The following VPS13C variants were observed in gnomAD, a reference collection of about 807,000 sequenced individuals.
VPS13C encodes intermembrane lipid transfer protein VPS13C.
Under a neutral mutation model 456.8 loss-of-function variants are expected in VPS13C, and 358 were observed. The observed-to-expected ratio is 0.78, with a 90% CI of 0.72 to 0.86. The LOEUF (loss-of-function observed/expected upper bound fraction) is 0.86, where lower values mean the gene tolerates loss of function less well. VPS13C is among the 40% of genes least tolerant of loss of function. The probability of loss-of-function intolerance (pLI) is 0.00; values close to 1 mark genes in which losing one functional copy is unlikely to be tolerated. For synonymous variants in VPS13C, 1,578 were observed against 1,486.7 expected (o/e 1.06, Z -1.41); for missense variants, 4,818 against 4,385.4 (o/e 1.10, Z -2.79).
chr15:61,900,341 CA>C (rs1195952861), intron 66 of VPS13C, among the ~76,000 whole-genome samples: 1 of 152,218 alleles, frequency 6.6e-6, no homozygotes. Flanking sequence ...TTGCAGACGA[CA>C]TGATTGTATA....
chr15:61,945,652 T>C (rs1372058599), intron 45 of VPS13C, 63 bp downstream of exon 45: 1 of 1,350,152 alleles, frequency 7.4e-7, no homozygotes, highest in Non-Finnish European at 1.0e-6. Context: ...CTATCTAGGT[T>C]CAGTTGTATA....
chr15:61,945,903 G>A, intron 44 of VPS13C, 21 bp from the exon 45 acceptor site: 2 of 1,579,370 alleles, frequency 1.3e-6, no homozygotes, highest in East Asian at 2.2e-5. Flanking sequence ...TAGATTAACT[G>A]GTTATTATAT....
At chr15:61,877,120 T>G in intron 74 of VPS13C, 66 bp from the exon 75 acceptor site, 1 of 1,290,598 alleles carries the variant, frequency 7.7e-7, no homozygotes, top group Non-Finnish European at 1.1e-6. Context: ...AGACTTAAAA[T>G]TTGAATGACA....
intron 24 of VPS13C, among the ~76,000 whole-genome samples, chr15:61,976,644 T>A (rs1596409083): frequency 6.6e-6 from 1 of 152,060 alleles, no homozygotes; most frequent in Admixed American, 6.6e-5. Context: ...ATGCAGCTTA[T>A]TGAACATCAA....
At chr15:61,963,700 C>T (rs111455627) in intron 32 of VPS13C, 135 bp downstream of exon 32, 6 of 640,578 alleles carry the variant, frequency 9.4e-6, no homozygotes, top group Admixed American at 2.8e-5. Context: ...ATAGAGGAAG[C>T]ATACAATCCA....
chr15:61,920,202 G>C lies in VPS13C; in HGVS notation c.7342C>G (p.Pro2448Ala). 3 of 1,613,318 alleles carry C rather than the reference G, an allele frequency of 1.9e-6. No homozygotes were observed. Among genetic ancestry groups the C allele is most frequent in the Non-Finnish European group, 2.5e-6 (3 of 1,179,600 alleles). The stretch of plus-strand genomic sequence containing the variant: ...ACATCAAAAATATCACTTTTCTCAG[G>C]GAAGCCCATTACTCTGAGATTACAA... ...PNCNLRVMGF[P>A]EKSDIFDVDA... is the part of the protein sequence containing the mutation. Residue 2448 changes from proline (P) to alanine (A), a missense_variant, in exon 57 of 85, where the codon CCT (proline) becomes GCT (alanine). By Grantham distance (27) the Pro-to-Ala change is conservative. Transcript: ENST00000644861.
intron 67 of VPS13C, among the ~76,000 whole-genome samples, chr15:61,888,682 T>G (rs1398012247): frequency 6.6e-6 from 1 of 152,078 alleles, no homozygotes; most frequent in East Asian, 1.9e-4. Context: ...AGAACAGCGG[T>G]TTCCAAAGGT....
intron 58 of VPS13C, among the ~76,000 whole-genome samples, chr15:61,918,578 A>C (rs1351406136): frequency 6.6e-6 from 1 of 152,004 alleles, no homozygotes; most frequent in Non-Finnish European, 1.5e-5. Context: ...TCTTTTCTCA[A>C]TGTATCATGT....
At chr15:62,010,646 T>A in intron 12 of VPS13C, 47 bp from the exon 13 acceptor site, 4 of 1,502,448 alleles carry the variant, frequency 2.7e-6, no homozygotes, top group Non-Finnish European at 3.6e-6. Flanking sequence ...TGCTTTTACA[T>A]ATAAACAAGT....
At chr15:61,950,797 C>T (rs769025527) in intron 40 of VPS13C, 148 bp downstream of exon 40, 1 of 595,314 alleles carries the variant, frequency 1.7e-6, no homozygotes, top group Non-Finnish European at 2.9e-6. Flanking sequence ...ATGAAAGTAT[C>T]CAGGATTTTC....
chr15:61,892,463 C>CTAGG (rs1170803568), intron 66 of VPS13C, among the ~76,000 whole-genome samples: 1 of 152,116 alleles, frequency 6.6e-6, no homozygotes, highest in Non-Finnish European at 1.5e-5. Context: ...AGGCAGTGAT[C>CTAGG]TAGGATAAAG....
intron 2 of VPS13C, among the ~76,000 whole-genome samples, chr15:62,043,535 G>C (rs2048307129): frequency 6.6e-6 from 1 of 152,322 alleles, no homozygotes; most frequent in East Asian, 1.9e-4. Flanking sequence ...GAACCTGGGA[G>C]GCGGAAGTTG....
intron 45 of VPS13C, among the ~76,000 whole-genome samples, chr15:61,943,587 T>G (rs1360166886): frequency 6.6e-6 from 1 of 152,014 alleles, no homozygotes; most frequent in Non-Finnish European, 1.5e-5. Flanking sequence ...TGAAACAACG[T>G]TTTATTCTAT....
At chr15:61,952,851 T>TAAA (rs1350286726) in intron 38 of VPS13C, among the ~76,000 whole-genome samples, 3 of 151,930 alleles carry the variant, frequency 2.0e-5, no homozygotes, top group African/African-American at 4.8e-5. Context: ...TAGCCAGGAC[T>TAAA]AAAGGCACAT....
chr15:62,046,060 G>A (rs2048390651), intron 1 of VPS13C, among the ~76,000 whole-genome samples: 1 of 152,056 alleles, frequency 6.6e-6, no homozygotes, highest in African/African-American at 2.4e-5. Flanking sequence ...CATTTTCTGT[G>A]TACATACAGT....
intron 2 of VPS13C, among the ~76,000 whole-genome samples, chr15:62,043,417 C>T (rs1420920760): frequency 6.6e-6 from 1 of 152,118 alleles, no homozygotes; most frequent in Non-Finnish European, 1.5e-5. Flanking sequence ...ACCAGCCTGG[C>T]CAACATGGCA....
In VPS13C at chr15:61,920,207, C is replaced by G; in HGVS notation, c.7337G>C (p.Gly2446Ala). Residue 2446 changes from glycine to alanine, a missense_variant, in exon 57 of 85, where the codon GGC (glycine) becomes GCC (alanine). By Grantham distance (60) the Gly-to-Ala change is moderately conservative. Transcript: ENST00000644861. ...AAAAATATCACTTTTCTCAGGGAAGCCCATTACTCTGAGATTACAATTGGG... is the reference window on the plus strand; with the variant it reads ...AAAAATATCACTTTTCTCAGGGAAGGCCATTACTCTGAGATTACAATTGGG... ...VKPNCNLRVM[G>A]FPEKSDIFDV... 6.2e-7 allele frequency: 1 copy of G among 1,613,566 alleles called. No homozygotes were observed. Among genetic ancestry groups the G allele is most frequent in the South Asian group, 1.1e-5 (1 of 91,048 alleles).
intron 69 of VPS13C, 37 bp from the exon 70 acceptor site, chr15:61,881,865 A>C: frequency 6.5e-7 from 1 of 1,543,446 alleles, no homozygotes. Flanking sequence ...AAGATTTCAA[A>C]TAATTTAAAC....
At chr15:61,933,216 C>G (rs1310799436) in intron 49 of VPS13C, among the ~76,000 whole-genome samples, 1 of 152,066 alleles carries the variant, frequency 6.6e-6, no homozygotes, top group African/African-American at 2.4e-5. Context: ...TCTAAGACTG[C>G]AGAACCAGCA....
Sources: gnomAD v4.1 joint callset for allele counts (sites outside exome capture counted in the v4.1 genomes callset) on GRCh38, gnomAD v4.1.1 for gene constraint, MANE v1.5 for transcripts, NCBI Gene and HGNC (gene_info 2026-07-23, HGNC 2026-07-21) for gene names.